The following NSUN6 variants were observed in gnomAD, a reference collection of about 807,000 sequenced individuals.
NSUN6 encodes the protein NOP2/Sun RNA methyltransferase 6, also known as tRNA (cytosine(72)-C(5))-methyltransferase NSUN6.
NSUN6 carries 64 observed loss-of-function variants against 58.0 expected under a neutral mutation model. The observed-to-expected ratio is 1.10, with a 90% CI of 0.90 to 1.36. The LOEUF (loss-of-function observed/expected upper bound fraction) is 1.36. Ranked by LOEUF, NSUN6 falls within the 40% of genes most tolerant of loss-of-function variation. The probability of loss-of-function intolerance (pLI) is 0.00; values close to 1 mark genes in which losing one functional copy is unlikely to be tolerated. For synonymous variants in NSUN6, 231 were observed against 193.9 expected, an observed-to-expected ratio of 1.19 and a Z score of -1.59; for missense variants, 701 against 550.1, an observed-to-expected ratio of 1.27 and a Z score of -2.74.
At chr10:18,557,554 GA>G (rs2055133646) in intron 8 of NSUN6, among the ~76,000 whole-genome samples, 2 of 150,912 alleles carry the variant, frequency 1.3e-5, no homozygotes, top group East Asian at 3.9e-4. Context: ...TGATGGTATG[GA>G]GAATGGAATG....
intron 8 of NSUN6, among the ~76,000 whole-genome samples, chr10:18,574,922 G>C (rs2056574783): frequency 6.6e-6 from 1 of 152,116 alleles, no homozygotes; most frequent in Non-Finnish European, 1.5e-5. Context: ...TAACCCAGCA[G>C]ATCAGGTAGC....
intron 2 of NSUN6, among the ~76,000 whole-genome samples, chr10:18,644,861 A>C (rs545922176): frequency 1.3e-5 from 2 of 148,706 alleles, no homozygotes; most frequent in Admixed American, 6.7e-5. Context: ...AAAAAAAAAA[A>C]ACTGAAAACG....
chr10:18,626,262 A>G (rs1347822409), intron 3 of NSUN6, among the ~76,000 whole-genome samples: 1 of 151,844 alleles, frequency 6.6e-6, no homozygotes, highest in Non-Finnish European at 1.5e-5. Flanking sequence ...AAAACTGGCC[A>G]GGCATGGTGG....
chr10:18,566,471 C>CTCCAT (rs775276238), intron 8 of NSUN6, among the ~76,000 whole-genome samples: 9 of 142,210 alleles, frequency 6.3e-5, no homozygotes, highest in African/African-American at 1.1e-4. Context: ...CCATTCCATT[C>CTCCAT]TCCATTCCAT....
chr10:18,591,215 T>C (rs1169381199), intron 7 of NSUN6, among the ~76,000 whole-genome samples: 1 of 151,994 alleles, frequency 6.6e-6, no homozygotes, highest in African/African-American at 2.4e-5. Flanking sequence ...AATAGACCAA[T>C]AACAAGTTCT....
intron 2 of NSUN6, among the ~76,000 whole-genome samples, chr10:18,644,418 A>G (rs1469139579): frequency 6.6e-6 from 1 of 152,156 alleles, no homozygotes; most frequent in Non-Finnish European, 1.5e-5. Context: ...GTTGTTGAAC[A>G]GCTAATTCAG....
At chr10:18,577,094 G>A (rs1418317988) in intron 8 of NSUN6, among the ~76,000 whole-genome samples, 2 of 152,126 alleles carry the variant, frequency 1.3e-5, no homozygotes, top group Non-Finnish European at 2.9e-5. Flanking sequence ...ACAACCAACG[G>A]CGATTTATTA....
chr10:18,615,974 T>C (rs45611834), intron 4 of NSUN6, among the ~76,000 whole-genome samples: 1,754 of 151,160 alleles, frequency 0.012, 12 homozygotes, highest in Non-Finnish European at 0.019. Flanking sequence ...ACATCCTTAT[T>C]TGGAAGGAAA....
chr10:18,598,766 G>C (rs982821169), intron 6 of NSUN6, among the ~76,000 whole-genome samples: 1 of 152,096 alleles, frequency 6.6e-6, no homozygotes, highest in Non-Finnish European at 1.5e-5. Flanking sequence ...ATACCTGGCA[G>C]CAAGTTTTAT....
intron 8 of NSUN6, among the ~76,000 whole-genome samples, chr10:18,579,650 C>A (rs777699102): frequency 5.3e-5 from 8 of 151,964 alleles, no homozygotes; most frequent in Non-Finnish European, 1.0e-4. Context: ...GTACAGTTTG[C>A]TTTTATGCAT....
At chr10:18,659,099 G>A (rs1056175265), upstream of NSUN6, 3 of 153,386 alleles carry the variant, frequency 2.0e-5, no homozygotes, top group South Asian at 1.9e-4. Context: ...GCTAGCAGCA[G>A]AGACTCAAAT....
At chr10:18,602,313 G>A (rs1158089199) in intron 6 of NSUN6, among the ~76,000 whole-genome samples, 7 of 150,256 alleles carry the variant, frequency 4.7e-5, no homozygotes, top group Non-Finnish European at 7.4e-5. Context: ...GCGCAATCTC[G>A]GCTCACTGCA....
intron 6 of NSUN6, among the ~76,000 whole-genome samples, chr10:18,602,410 A>AT (rs1201341390): frequency 1.3e-5 from 2 of 152,004 alleles, no homozygotes; most frequent in Non-Finnish European, 2.9e-5. Flanking sequence ...CGCCCGGCTA[A>AT]TTTTTTGTAG....
At chr10:18,562,210 A>C (rs577710452) in intron 8 of NSUN6, among the ~76,000 whole-genome samples, 22 of 150,764 alleles carry the variant, frequency 1.5e-4, no homozygotes, top group African/African-American at 5.4e-4. Flanking sequence ...TGGAGAATAG[A>C]ATGCAATAGA....
upstream of NSUN6, among the ~76,000 whole-genome samples, chr10:18,657,653 C>T (rs1479488486): frequency 2.6e-5 from 4 of 151,936 alleles, no homozygotes; most frequent in East Asian, 1.9e-4. Flanking sequence ...CTCACTCTGT[C>T]GCCAGGCTGA....
At chr10:18,620,117 T>TAG (rs2058552253) in intron 3 of NSUN6, among the ~76,000 whole-genome samples, 4 of 150,478 alleles carry the variant, frequency 2.7e-5, no homozygotes, top group African/African-American at 9.8e-5. Context: ...AGACGGAGTC[T>TAG]AGCTCTGTCT....
chr10:18,648,353 G>GA, intron 2 of NSUN6, 137 bp downstream of exon 2: 3 of 549,952 alleles, frequency 5.5e-6, no homozygotes, highest in Non-Finnish European at 9.6e-6. Flanking sequence ...TAACTTTGAA[G>GA]AATTTACCAT....
Position 18,614,491 on chromosome 10 carries a change from T to G in NSUN6, c.544A>C (p.Lys182Gln). The change falls in exon 5 of 11, where the codon AAA (lysine) becomes CAA (glutamine). Residue 182 changes from lysine (K) to glutamine (Q), a missense_variant. Physicochemically the swap from Lys to Gln is moderately conservative, Grantham distance 53 (BLOSUM62 1). Coordinates refer to ENST00000377304, the MANE Select transcript of NSUN6 (RefSeq NM_182543.5). Reference protein sequence around the residue: ...LGNGISELSRKEIFSGLPELK... With the variant: ...LGNGISELSRQEIFSGLPELK... ...TCAGGTAATCCACTGAAGATTTCTT[T>G]GCGGCTTAGTTCAGAAATCCCATTT... is the stretch of plus-strand genomic sequence containing the variant. 6.4e-7 allele frequency: 1 copy of G among 1,558,982 alleles called. No individual in the cohort carries two copies. The highest frequency in any genetic ancestry group is 1.7e-4 in the Middle Eastern group (1 of 5,902).
intron 3 of NSUN6, among the ~76,000 whole-genome samples, chr10:18,640,279 TC>T (rs1422499365): frequency 4.6e-5 from 7 of 152,160 alleles, no homozygotes; most frequent in Admixed American, 3.3e-4. Context: ...AATTTGATGC[TC>T]AGAGAAACAA....
Sources: gnomAD v4.1 joint callset for allele counts (sites outside exome capture counted in the v4.1 genomes callset) on GRCh38, gnomAD v4.1.1 for gene constraint, MANE v1.5 for transcripts, NCBI Gene and HGNC (gene_info 2026-07-23, HGNC 2026-07-21) for gene names.